The following PRAF2 variants were observed in gnomAD, a reference collection of about 807,000 sequenced individuals.
PRAF2 encodes the protein PRA1 family protein 2.
PRAF2 carries 5 observed loss-of-function variants against 9.7 expected under a neutral mutation model. That is an observed-to-expected ratio of 0.51 (90% CI 0.27 to 1.08). The LOEUF is 1.08. PRAF2 is among the 50% of genes least tolerant of loss of function. The probability of loss-of-function intolerance (pLI) is 0.12; values close to 1 mark genes in which losing one functional copy is unlikely to be tolerated. For synonymous variants in PRAF2, 61 were observed against 76.6 expected (o/e 0.80, Z 1.06); for missense variants, 135 against 160.7 (o/e 0.84, Z 0.86).
Position 49,071,782 on chromosome X carries a change from T to G in PRAF2, c.*87A>C. ...GGGCAGGGGGCTCTAGGCTCCTGTT[T>G]TAAGTGCTGGGAAAGGGCTCTGGGT... On this transcript the variant is annotated 3_prime_UTR_variant, in exon 3 of 3. Coordinates refer to ENST00000553851, the MANE Select transcript of PRAF2 (RefSeq NM_007213.3). The G allele has an allele frequency of 2.8e-6, 3 of 1,072,201 alleles. No homozygotes were observed. Among genetic ancestry groups the G allele is most frequent in the Middle Eastern group, 7.3e-4 (2 of 2,731 alleles). 88.4% of individuals were successfully genotyped at this position (1,072,201 alleles called of 1,213,427 possible).
chrX:49,072,380 C>T (rs1557083254), intron 2 of PRAF2, 53 bp downstream of exon 2: 2 of 1,152,766 alleles, frequency 1.7e-6, no homozygotes, highest in Non-Finnish European at 2.3e-6. Flanking sequence ...GGCCTGGTGC[C>T]TTAAGCATGC....
In PRAF2 at chrX:49,071,983, G is replaced by C; in HGVS notation, c.423C>G (p.Arg141=). The change falls in exon 3 of 3, where the codon CGC becomes CGG. Residue 141 remains arginine, a synonymous_variant. Coordinates refer to ENST00000553851, the MANE Select transcript of PRAF2 (RefSeq NM_007213.3). ...VLLILVHASL[R]LRNLKNKIEN... Reference sequence around the variant, plus strand: ...CAATCTTGTTCTTAAGGTTGCGCAGGCGCAACGAGGCGTGCACCAGGATCA... The same window carrying C: ...CAATCTTGTTCTTAAGGTTGCGCAGCCGCAACGAGGCGTGCACCAGGATCA... The C allele has an allele frequency of 8.3e-7, 1 of 1,210,384 alleles. No individual in the cohort carries two copies. The highest frequency in any genetic ancestry group is 1.1e-6 in the Non-Finnish European group (1 of 895,106).
In PRAF2 at chrX:49,073,829, G is replaced by T; in HGVS notation, c.159C>A (p.Gly53=). ...CTCACCCGGCGAGAGCGAGGCCGAT[G>T]CCGAAGCAGAGAAGGTAGTTGGTTT... ...YYQTNYLLCF[G]IGLALAGYVR... The change falls in exon 1 of 3, where the codon GGC becomes GGA. Residue 53 remains glycine, a synonymous_variant. Transcript: ENST00000553851. 2 of 1,212,189 alleles carry T rather than the reference G, an allele frequency of 1.6e-6. No individual in the cohort carries two copies. Among genetic ancestry groups the T allele is most frequent in the Non-Finnish European group, 2.2e-6 (2 of 895,519 alleles).
intron 1 of PRAF2, 22 bp from the exon 2 acceptor site, chrX:49,072,672 G>A (rs1557083345): frequency 4.3e-6 from 5 of 1,157,015 alleles, no homozygotes; most frequent in Middle Eastern, 3.3e-4. Context: ...AGGGAACCAA[G>A]CTAGCCGGCC....
At position 49,073,636 on chromosome X, in the gene PRAF2, TC is replaced by T. The variant is rs782410273; in HGVS notation, c.179+172del. On this transcript the variant is annotated intron_variant, in intron 1 of 2. Transcript: ENST00000553851. ...CCTGAGGCCCTCCTTATAACTAGGCTCCACCTCCTTCAAGGCCCCCCTTCCA... is the reference window on the plus strand; with the variant it reads ...CCTGAGGCCCTCCTTATAACTAGGCTCACCTCCTTCAAGGCCCCCCTTCCA... Among the ~76,000 whole-genome samples the T allele has an allele frequency of 1.0e-4, 11 of 110,078 alleles. No homozygotes were observed. The South Asian group carries it at 2.7e-3, about 27-fold the overall frequency.
Position 49,071,395 on chromosome X carries a change from C to T in PRAF2, c.*474G>A, listed in dbSNP as rs1396795279. 2.7e-5 allele frequency: 3 copies of T among 112,907 alleles called. No homozygotes were observed. Among genetic ancestry groups the T allele is most frequent in the African/African-American group, 9.7e-5 (3 of 30,773 alleles). 9.3% of individuals were successfully genotyped at this position (112,907 alleles called of 1,213,427 possible). ...ATACCCGACTCCATCCACACAGGGG[C>T]ATGGAACACTTGGGTTCTGAGTTCA... is the stretch of plus-strand genomic sequence containing the variant. On this transcript the variant is annotated 3_prime_UTR_variant, in exon 3 of 3. Coordinates refer to ENST00000553851, the MANE Select transcript of PRAF2 (RefSeq NM_007213.3).
At chrX:49,072,103 A>G (rs2065013211) in intron 2 of PRAF2, 95 bp from the exon 3 acceptor site, 2 of 1,032,299 alleles carry the variant, frequency 1.9e-6, no homozygotes, top group East Asian at 3.1e-5. Context: ...AGGCAGGCCA[A>G]TGGAGTGGTG....
At chrX:49,072,035 C>T in intron 2 of PRAF2, 27 bp from the exon 3 acceptor site, 1 of 1,194,638 alleles carries the variant, frequency 8.4e-7, no homozygotes, top group Non-Finnish European at 1.1e-6. Context: ...GAGGGGTGGT[C>T]AGTGGAATAG....
chrX:49,071,949 T>C lies in PRAF2; in HGVS notation c.457A>G (p.Ile153Val), dbSNP rs781910391. 3.3e-6 allele frequency: 4 copies of C among 1,210,365 alleles called. No individual in the cohort carries two copies. The highest frequency in any genetic ancestry group is 2.3e-4 in the Middle Eastern group (1 of 4,344). Residue 153 changes from isoleucine (I) to valine (V), a missense_variant, in exon 3 of 3, where the codon ATC becomes GTC. Coordinates refer to ENST00000553851, the MANE Select transcript of PRAF2 (RefSeq NM_007213.3). ...GTCCGCTTGAGACCAATGCTCTCGA[T>C]CTTGTTCTCAATCTTGTTCTTAAGG... ...RNLKNKIENK[I>V]ESIGLKRTPM...
chrX:49,072,242 T>C (rs2065013669), intron 2 of PRAF2, 191 bp downstream of exon 2: 1 of 598,364 alleles, frequency 1.7e-6, no homozygotes. Flanking sequence ...AAGAGTGAGA[T>C]AGGAAAGGCG....
At chrX:49,072,919 A>G (rs1452040241) in intron 1 of PRAF2, among the ~76,000 whole-genome samples, 1 of 106,072 alleles carries the variant, frequency 9.4e-6, no homozygotes, top group Non-Finnish European at 2.0e-5. Flanking sequence ...CACTCCCCAC[A>G]CCCCCGGGCT....
chrX:49,072,698 C>G, intron 1 of PRAF2, 48 bp from the exon 2 acceptor site: 1 of 1,111,853 alleles, frequency 9.0e-7, no homozygotes, highest in Non-Finnish European at 1.2e-6. Flanking sequence ...GAGAGACGGC[C>G]TCCGGACCAC....
intron 1 of PRAF2, 105 bp downstream of exon 1, chrX:49,073,704 G>C: frequency 4.9e-6 from 5 of 1,030,371 alleles, no homozygotes; most frequent in Non-Finnish European, 6.6e-6. Context: ...CGCCCTTCCC[G>C]GCCTTGCACC....
In PRAF2 at chrX:49,073,698, C is replaced by T; in HGVS notation, c.179+111G>A. The T allele has an allele frequency of 1.9e-5, 19 of 1,000,135 alleles. No individual in the cohort carries two copies. The South Asian group carries it at 3.6e-4, about 19-fold the overall frequency. The allele number at this position is 1,000,135 out of a possible 1,213,427, so 82.4% of individuals were successfully genotyped here. A position where few individuals can be genotyped will look rare whatever the true frequency, so the allele number is the denominator to read the frequency against. The stretch of plus-strand genomic sequence containing the variant: ...GCCGTCCATCTCTACTGACTTCGCC[C>T]TTCCCGGCCTTGCACCCCCCTCAGG... On this transcript the variant is annotated intron_variant, in intron 1 of 2. Coordinates refer to ENST00000553851, the MANE Select transcript of PRAF2 (RefSeq NM_007213.3).
chrX:49,073,682 C>G, intron 1 of PRAF2, 127 bp downstream of exon 1: 1 of 885,569 alleles, frequency 1.1e-6, no homozygotes, highest in Non-Finnish European at 1.6e-6. Flanking sequence ...GGCCGTCCAT[C>G]TCTACTGACT....
At chrX:49,073,697 C>T in intron 1 of PRAF2, 112 bp downstream of exon 1, 1 of 988,503 alleles carries the variant, frequency 1.0e-6, no homozygotes. Flanking sequence ...CTGACTTCGC[C>T]CTTCCCGGCC....
rs185942386 is a variant in PRAF2, at chrX:49,073,058, C to A, written c.180-408G>T. 3.6e-3 allele frequency among the ~76,000 whole-genome samples: 403 copies of A among 111,324 alleles called. 3 individuals are homozygous for A. Among genetic ancestry groups the A allele is most frequent in the African/African-American group, 0.012 (377 of 30,563 alleles). ...TTCAGGCCTTCTGTCTTCACACGTTCCCCTCTCCCCAGGCCTAGGGTCCTT... is the reference window on the plus strand; with the variant it reads ...TTCAGGCCTTCTGTCTTCACACGTTACCCTCTCCCCAGGCCTAGGGTCCTT... On this transcript the variant is annotated intron_variant, in intron 1 of 2. Transcript: ENST00000553851.
chrX:49,072,396 C>T (rs2065014256), intron 2 of PRAF2, 37 bp downstream of exon 2: 1 of 1,164,224 alleles, frequency 8.6e-7, no homozygotes. Flanking sequence ...CATGCTCTGG[C>T]TGCTTTCCTG....
chrX:49,072,408 C>G, intron 2 of PRAF2, 25 bp downstream of exon 2: 1 of 1,177,202 alleles, frequency 8.5e-7, no homozygotes, highest in Non-Finnish European at 1.1e-6. Context: ...GCTTTCCTGG[C>G]TATCTCGGGG....
Sources: gnomAD v4.1 joint callset for allele counts (sites outside exome capture counted in the v4.1 genomes callset) on GRCh38, gnomAD v4.1.1 for gene constraint, MANE v1.5 for transcripts, NCBI Gene and HGNC (gene_info 2026-07-23, HGNC 2026-07-21) for gene names.